The following BAZ2B variants were observed in gnomAD, a reference collection of about 807,000 sequenced individuals.
BAZ2B encodes the protein bromodomain adjacent to zinc finger domain 2B, also known as bromodomain adjacent to zinc finger domain protein 2B.
In BAZ2B, 91 loss-of-function variants were observed where a neutral mutation model predicts 246.0. The ratio of observed to expected loss-of-function variants is 0.37; its 90% confidence interval spans 0.31 to 0.44. BAZ2B has a LOEUF of 0.44. Among genes scored for constraint, BAZ2B ranks in the 20% least tolerant of loss-of-function variants. The pLI is 1.00. For synonymous variants in BAZ2B, 855 were observed against 860.0 expected (o/e 0.99, Z 0.10); for missense variants, 2,332 against 2,533.7 (o/e 0.92, Z 1.71).
intron 3 of BAZ2B, among the ~76,000 whole-genome samples, chr2:159,471,655 C>T (rs1407897037): frequency 6.6e-6 from 1 of 152,122 alleles, no homozygotes; most frequent in South Asian, 2.1e-4. Context: ...ATACTAAGAG[C>T]ATGCTTTTAT....
intron 16 of BAZ2B, among the ~76,000 whole-genome samples, chr2:159,402,156 C>A (rs2065177878): frequency 6.6e-6 from 1 of 152,164 alleles, no homozygotes; most frequent in Admixed American, 6.5e-5. Context: ...AAAATAAAAA[C>A]CCCAAAGTGG....
chr2:159,545,451 T>C (rs1283717939), intron 2 of BAZ2B, among the ~76,000 whole-genome samples: 8 of 152,206 alleles, frequency 5.3e-5, no homozygotes, highest in African/African-American at 1.9e-4. Context: ...TCCTAGGAGA[T>C]ATTTAATTTC....
chr2:159,598,439 T>C (rs534644890), intron 1 of BAZ2B, among the ~76,000 whole-genome samples: 2 of 152,364 alleles, frequency 1.3e-5, no homozygotes, highest in Admixed American at 1.3e-4. Context: ...AGATAACACA[T>C]TATTAGTACA....
the BAZ2B span, among the ~76,000 whole-genome samples, chr2:159,676,996 T>A: frequency 3.4e-5 from 4 of 119,216 alleles, no homozygotes; most frequent in African/African-American, 8.9e-5. Context: ...ATATATATAT[T>A]ACAATTTTTA....
At chr2:159,529,847 T>G (rs1172845253) in intron 2 of BAZ2B, among the ~76,000 whole-genome samples, 2 of 152,190 alleles carry the variant, frequency 1.3e-5, no homozygotes, top group African/African-American at 4.8e-5. Context: ...TATTTTATAT[T>G]AAAGTAGATA....
At chr2:159,349,588 T>C in intron 28 of BAZ2B, 120 bp downstream of exon 28, 1 of 1,187,696 alleles carries the variant, frequency 8.4e-7, no homozygotes, top group South Asian at 1.7e-5. Flanking sequence ...CTTGTTTTAG[T>C]TTTCAAACTG....
chr2:159,682,782 ATTTCCTCTGT>A, the BAZ2B span, among the ~76,000 whole-genome samples: 2 of 152,042 alleles, frequency 1.3e-5, no homozygotes, highest in South Asian at 4.1e-4. Context: ...TTTCTCTGCA[ATTTCCTCTGT>A]TTTCTTCTTG....
chr2:159,442,915 T>C (rs924538727), intron 6 of BAZ2B, among the ~76,000 whole-genome samples: 3 of 152,246 alleles, frequency 2.0e-5, no homozygotes, highest in East Asian at 1.9e-4. Context: ...CCATGTATTT[T>C]GCTTATCCAG....
chr2:159,658,127 T>C, the BAZ2B span, among the ~76,000 whole-genome samples: 1 of 152,206 alleles, frequency 6.6e-6, no homozygotes, highest in African/African-American at 2.4e-5. Context: ...GAAAAAGATT[T>C]TTGTCATAAA....
chr2:159,596,018 T>C (rs189729587), intron 1 of BAZ2B, among the ~76,000 whole-genome samples: 2 of 152,368 alleles, frequency 1.3e-5, no homozygotes, highest in East Asian at 3.9e-4. Flanking sequence ...TTAAACACTT[T>C]AAATAAATTT....
chr2:159,686,551 G>A, the BAZ2B span, among the ~76,000 whole-genome samples: 2 of 152,148 alleles, frequency 1.3e-5, no homozygotes, highest in Admixed American at 1.3e-4. Context: ...GAGGAGATTT[G>A]AGAGATGTAG....
At chr2:159,644,525 G>C in the BAZ2B span, among the ~76,000 whole-genome samples, 1 of 152,166 alleles carries the variant, frequency 6.6e-6, no homozygotes, top group East Asian at 1.9e-4. Flanking sequence ...GCTGGTAGTA[G>C]CAGCACTCAT....
At position 159,486,199 on chromosome 2, in the gene BAZ2B, G is replaced by T. The variant is rs534528173; in HGVS notation, c.-2-7478C>A. ...TTAGAAAGATAAAGAGAGATATGGT[G>T]TATGGTTAGCTGATCCTTTCATCTA... On this transcript the variant is annotated intron_variant, in intron 2 of 36. Coordinates refer to ENST00000392783, the MANE Select transcript of BAZ2B (RefSeq NM_013450.4). 2.0e-5 allele frequency among the ~76,000 whole-genome samples: 3 copies of T among 152,128 alleles called. No homozygotes were observed. In the East Asian group the frequency reaches 5.8e-4, roughly 29 times the overall value.
intron 8 of BAZ2B, among the ~76,000 whole-genome samples, chr2:159,436,533 G>C (rs1395834461): frequency 6.6e-6 from 1 of 152,136 alleles, no homozygotes; most frequent in African/African-American, 2.4e-5. Context: ...CAGATCACTT[G>C]AGGTCAGGAG....
chr2:159,551,083 C>G (rs1012177963), intron 2 of BAZ2B, among the ~76,000 whole-genome samples: 7 of 152,130 alleles, frequency 4.6e-5, no homozygotes, highest in Non-Finnish European at 1.0e-4. Context: ...AGCAATCCCC[C>G]CTGTTGGGCT....
chr2:159,624,129 C>T, the BAZ2B span, among the ~76,000 whole-genome samples: 1 of 152,212 alleles, frequency 6.6e-6, no homozygotes. Context: ...CCTCTGTGGC[C>T]AGACTGCCTC....
intron 4 of BAZ2B, 42 bp downstream of exon 4, chr2:159,453,571 C>A: frequency 6.5e-7 from 1 of 1,527,640 alleles, no homozygotes. Flanking sequence ...CATTCTCAAG[C>A]TTTCCTCCTT....
In BAZ2B at chr2:159,497,621, C is replaced by A. The variant is rs568341125; in HGVS notation, c.-2-18900G>T. ...ATATAAACATTTTCAATGATAGAAA[C>A]AGGGAAAGTGGTTGCTGAGATTAAG... On this transcript the variant is annotated intron_variant, in intron 2 of 36. Transcript: ENST00000392783. Among the ~76,000 whole-genome samples, 18 of 152,166 alleles carry A rather than the reference C, an allele frequency of 1.2e-4. No individual in the cohort carries two copies. In the South Asian group the frequency reaches 3.3e-3, roughly 28 times the overall value.
At chr2:159,422,524 G>A (rs2150065500) in intron 13 of BAZ2B, among the ~76,000 whole-genome samples, 1 of 152,242 alleles carries the variant, frequency 6.6e-6, no homozygotes, top group Middle Eastern at 3.4e-3. Flanking sequence ...ATAGTTCTGG[G>A]ATAACTGGCT....
Sources: gnomAD v4.1 joint callset for allele counts (sites outside exome capture counted in the v4.1 genomes callset) on GRCh38, gnomAD v4.1.1 for gene constraint, MANE v1.5 for transcripts, NCBI Gene and HGNC (gene_info 2026-07-23, HGNC 2026-07-21) for gene names.